Variants in GRHL2 observed in about 807,000 individuals in gnomAD.
The protein encoded by GRHL2 is grainyhead like transcription factor 2, also known as grainyhead-like protein 2 homolog.
GRHL2 carries 21 observed loss-of-function variants against 83.8 expected under a neutral mutation model. The observed-to-expected ratio is 0.25, with a 90% confidence interval of 0.18 to 0.36. The LOEUF (loss-of-function observed/expected upper bound fraction) is 0.36. Among genes scored for constraint, GRHL2 ranks in the 10% least tolerant of loss-of-function variants. The pLI is 1.00. For missense variants in GRHL2, 623 were observed against 781.8 expected (o/e 0.80, Z 2.42); for synonymous variants, 280 against 278.9 (o/e 1.00, Z -0.04).
Position 101,577,463 on chromosome 8 carries a change from A to T in GRHL2, c.947A>T (p.Tyr316Phe). 2 of 1,614,134 alleles carry T rather than the reference A, an allele frequency of 1.2e-6. No individual in the cohort carries two copies. The highest frequency in any genetic ancestry group is 1.7e-6 in the Non-Finnish European group (2 of 1,179,996). Residue 316 changes from tyrosine (Y) to phenylalanine (F), a missense_variant, in exon 7 of 16, where the codon TAC (tyrosine) becomes TTC (phenylalanine). Transcript: ENST00000646743. ...AAAAACAGAGATGAACAGCTCAAATACTGGAAATACTGGCACTCTCGGCAG... is the reference window on the plus strand; with the variant it reads ...AAAAACAGAGATGAACAGCTCAAATTCTGGAAATACTGGCACTCTCGGCAG... ...EDKNRDEQLKYWKYWHSRQHT... is the reference protein window; with the variant it reads ...EDKNRDEQLKFWKYWHSRQHT...
At chr8:101,543,510 ATTGT>A (rs1263146336) in intron 2 of GRHL2, 74 bp downstream of exon 2, 1 of 1,404,114 alleles carries the variant, frequency 7.1e-7, no homozygotes. Flanking sequence ...GAAGGAACAG[ATTGT>A]TTGTCCCAGG....
chr8:101,585,904 A>G (rs528921272), intron 7 of GRHL2, among the ~76,000 whole-genome samples: 42 of 152,038 alleles, frequency 2.8e-4, no homozygotes, highest in African/African-American at 9.6e-4. Context: ...GTATCTCGGG[A>G]AAATCCCTTC....
At chr8:101,573,979 G>T in intron 6 of GRHL2, 155 bp downstream of exon 6, 1 of 817,322 alleles carries the variant, frequency 1.2e-6, no homozygotes, top group Non-Finnish European at 2.0e-6. Context: ...GCACTTATTG[G>T]CTCGTAGTTG....
intron 1 of GRHL2, among the ~76,000 whole-genome samples, chr8:101,507,301 G>A (rs1399502790): frequency 6.6e-6 from 1 of 152,104 alleles, no homozygotes; most frequent in African/African-American, 2.4e-5. Flanking sequence ...TTATGTATGT[G>A]TGAGTACTTT....
At chr8:101,664,626 A>G in intron 15 of GRHL2, 108 bp downstream of exon 15, 2 of 799,112 alleles carry the variant, frequency 2.5e-6, no homozygotes, top group East Asian at 2.7e-5. Flanking sequence ...CCCACTTTTC[A>G]TAAAAATTGT....
chr8:101,657,833 A>AC (rs1405933271), intron 14 of GRHL2, among the ~76,000 whole-genome samples: 3 of 148,896 alleles, frequency 2.0e-5, no homozygotes, highest in South Asian at 2.1e-4. Flanking sequence ...GAGCGAAACA[A>AC]AAAAAAAAAA....
intron 8 of GRHL2, among the ~76,000 whole-genome samples, chr8:101,617,316 G>A (rs1447149236): frequency 6.6e-6 from 1 of 152,108 alleles, no homozygotes; most frequent in Non-Finnish European, 1.5e-5. Context: ...CCTGATTGGT[G>A]TGGATGTGGT....
At chr8:101,528,904 A>G (rs1281644175) in intron 1 of GRHL2, 4 of 312,836 alleles carry the variant, frequency 1.3e-5, no homozygotes, top group Non-Finnish European at 1.9e-5. Context: ...TTTTGTTGAA[A>G]CTGAAGAAGT....
At chr8:101,500,281 T>G (rs970256549) in intron 1 of GRHL2, among the ~76,000 whole-genome samples, 3 of 152,142 alleles carry the variant, frequency 2.0e-5, no homozygotes, top group African/African-American at 7.2e-5. Context: ...AACAACAACA[T>G]GTACCTGGGA....
At chr8:101,498,799 G>A (rs1810161647) in intron 1 of GRHL2, among the ~76,000 whole-genome samples, 1 of 152,106 alleles carries the variant, frequency 6.6e-6, no homozygotes, top group African/African-American at 2.4e-5. Flanking sequence ...GATAAAGCCG[G>A]GCGTGGTGGC....
intron 8 of GRHL2, among the ~76,000 whole-genome samples, chr8:101,607,382 G>A (rs1440480650): frequency 6.6e-6 from 1 of 152,214 alleles, no homozygotes; most frequent in African/African-American, 2.4e-5. Context: ...ACACTCCTGA[G>A]TGCCCTGTGG....
intron 1 of GRHL2, among the ~76,000 whole-genome samples, chr8:101,509,649 T>C (rs1409745477): frequency 6.6e-6 from 1 of 152,108 alleles, no homozygotes; most frequent in Non-Finnish European, 1.5e-5. Flanking sequence ...TATATATATA[T>C]TTTTTCCTCT....
intron 1 of GRHL2, among the ~76,000 whole-genome samples, chr8:101,508,075 C>T (rs756791906): frequency 8.5e-5 from 13 of 152,092 alleles, no homozygotes; most frequent in South Asian, 4.1e-4. Context: ...CGTGAGCCAC[C>T]GTGCTTGGCC....
At chr8:101,546,615 C>T (rs1000247358) in intron 2 of GRHL2, among the ~76,000 whole-genome samples, 4 of 152,020 alleles carry the variant, frequency 2.6e-5, no homozygotes, top group Admixed American at 2.0e-4. Flanking sequence ...GGATTTTGCA[C>T]ATGTTGGCCA....
intron 8 of GRHL2, among the ~76,000 whole-genome samples, chr8:101,604,061 T>A (rs1383320191): frequency 6.6e-6 from 1 of 151,170 alleles, no homozygotes; most frequent in Non-Finnish European, 1.5e-5. Context: ...GAAGTGTGTT[T>A]GTGTGTATGT....
chr8:101,614,549 G>A (rs1052949786), intron 8 of GRHL2, among the ~76,000 whole-genome samples: 1 of 142,862 alleles, frequency 7.0e-6, no homozygotes, highest in Non-Finnish European at 1.5e-5. Flanking sequence ...GGCTTCCACC[G>A]AAGTGAAAAA....
chr8:101,584,453 C>A lies in GRHL2; in HGVS notation c.1003+6934C>A, dbSNP rs139100830. ...AGGGCAAAGGAAGCCTCTTAAGAGA[C>A]TCTTGATCACAGACTTTAGTTGACC... is the stretch of plus-strand genomic sequence containing the variant. On this transcript the variant is annotated intron_variant, in intron 7 of 15. Transcript: ENST00000646743. Among the ~76,000 whole-genome samples, 1,214 of 152,278 alleles carry A rather than the reference C, an allele frequency of 8.0e-3. 21 individuals are homozygous for A. The highest frequency in any genetic ancestry group is 0.027 in the African/African-American group (1,117 of 41,556).
intron 7 of GRHL2, among the ~76,000 whole-genome samples, chr8:101,592,553 T>A (rs1812309712): frequency 6.6e-6 from 1 of 152,240 alleles, no homozygotes; most frequent in African/African-American, 2.4e-5. Flanking sequence ...CAGCTCTACC[T>A]GAGACCTTGC....
Position 101,666,766 on chromosome 8 carries a change from A to G in GRHL2, c.*63A>G. 5 of 952,916 alleles carry G rather than the reference A, an allele frequency of 5.2e-6. No individual in the cohort carries two copies. The highest frequency in any genetic ancestry group is 8.6e-6 in the Non-Finnish European group (5 of 583,512). The allele number at this position is 952,916 out of a possible 1,614,324, so 59.0% of individuals were successfully genotyped here. On this transcript the variant is annotated 3_prime_UTR_variant, in exon 16 of 16. Transcript: ENST00000646743. ...TGCGTTCCTCCCTGAGAGAGACAGA[A>G]GCCCCAGCCCCAGAACCTGGAGACC... is the stretch of plus-strand genomic sequence containing the variant.
Sources: gnomAD v4.1 joint callset for allele counts (sites outside exome capture counted in the v4.1 genomes callset) on GRCh38, gnomAD v4.1.1 for gene constraint, MANE v1.5 for transcripts, NCBI Gene and HGNC (gene_info 2026-07-23, HGNC 2026-07-21) for gene names.